Variants in BAIAP2L1 observed in about 807,000 individuals in gnomAD.
BAIAP2L1 encodes BAR/IMD domain containing adaptor protein 2 like 1.
A neutral mutation model predicts 66.3 loss-of-function variants in BAIAP2L1; 35 were observed. The ratio of observed to expected loss-of-function variants is 0.53; its 90% CI spans 0.40 to 0.70. BAIAP2L1 has a LOEUF of 0.70. BAIAP2L1 is among the 30% of genes least tolerant of loss of function. The probability of loss-of-function intolerance (pLI) is 0.00; values close to 1 mark genes in which losing one functional copy is unlikely to be tolerated. For synonymous variants in BAIAP2L1, 269 were observed against 248.7 expected, an observed-to-expected ratio of 1.08 and a Z score of -0.77; for missense variants, 622 against 656.9, an observed-to-expected ratio of 0.95 and a Z score of 0.58.
intron 1 of BAIAP2L1, among the ~76,000 whole-genome samples, chr7:98,380,546 A>G (rs960407540): frequency 2.0e-5 from 3 of 151,924 alleles, no homozygotes; most frequent in African/African-American, 4.8e-5. Context: ...GACTCAAATT[A>G]TCTCCCACCA....
chr7:98,356,994 C>CAAAAAAAA (rs1171832329), intron 2 of BAIAP2L1, among the ~76,000 whole-genome samples: 177 of 2,422 alleles, frequency 0.073, 72 homozygotes, highest in Admixed American at 0.12. Context: ...GCCCCTGTCT[C>CAAAAAAAA]AAAAAAAAAA....
intron 7 of BAIAP2L1, among the ~76,000 whole-genome samples, chr7:98,313,668 G>C (rs1800961405): frequency 6.6e-6 from 1 of 152,032 alleles, no homozygotes; most frequent in Non-Finnish European, 1.5e-5. Context: ...ACCCAGGCTG[G>C]AGTGCACTGG....
In BAIAP2L1 at chr7:98,384,129, G is replaced by C. The variant is rs1483933929; in HGVS notation, c.51+16673C>G. ...AGATCGCACCATTGCAATCCAGCCT[G>C]GGCAACAAGAGTGAAACTCCGTCTC... On this transcript the variant is annotated intron_variant, in intron 1 of 13. Transcript: ENST00000005260. 3.3e-5 allele frequency among the ~76,000 whole-genome samples: 5 copies of C among 149,792 alleles called. No individual in the cohort carries two copies. In the South Asian group the frequency reaches 1.0e-3, roughly 31 times the overall value.
intron 3 of BAIAP2L1, among the ~76,000 whole-genome samples, chr7:98,331,579 C>T (rs984171764): frequency 2.0e-5 from 3 of 150,374 alleles, no homozygotes; most frequent in African/African-American, 7.3e-5. Context: ...AGCGATTCTC[C>T]TGCCTCAGCC....
intron 3 of BAIAP2L1, among the ~76,000 whole-genome samples, chr7:98,349,494 C>T (rs1385265704): frequency 6.6e-6 from 1 of 152,154 alleles, no homozygotes; most frequent in Non-Finnish European, 1.5e-5. Context: ...GTGAAACCAC[C>T]ATTTCCAAGG....
chr7:98,391,221 G>A (rs1034579508), intron 1 of BAIAP2L1, among the ~76,000 whole-genome samples: 1 of 152,076 alleles, frequency 6.6e-6, no homozygotes, highest in Non-Finnish European at 1.5e-5. Flanking sequence ...CACTCTAGGA[G>A]GTGAAATACT....
At chr7:98,393,175 A>G (rs148982676) in intron 1 of BAIAP2L1, among the ~76,000 whole-genome samples, 20 of 138,098 alleles carry the variant, frequency 1.4e-4, no homozygotes, top group Non-Finnish European at 2.4e-4. Context: ...ATGTATATAT[A>G]TACATATATG....
intron 1 of BAIAP2L1, among the ~76,000 whole-genome samples, chr7:98,389,796 A>G (rs188705219): frequency 3.3e-5 from 5 of 152,218 alleles, no homozygotes; most frequent in Admixed American, 3.3e-4. Context: ...TGAACAAACT[A>G]TAGAAATGAC....
chr7:98,321,284 G>C (rs1423845514), intron 3 of BAIAP2L1, among the ~76,000 whole-genome samples: 1 of 152,204 alleles, frequency 6.6e-6, no homozygotes, highest in Admixed American at 6.5e-5. Context: ...AATAAAAAAT[G>C]ATTTATTTTT....
intron 2 of BAIAP2L1, among the ~76,000 whole-genome samples, chr7:98,357,132 T>C (rs1192985854): frequency 7.2e-6 from 1 of 138,638 alleles, no homozygotes; most frequent in East Asian, 2.2e-4. Context: ...AGGGATCCTC[T>C]TGCCTGAGTC....
At chr7:98,306,323 C>T (rs1257016032) in intron 11 of BAIAP2L1, 116 bp downstream of exon 11, 5 of 1,238,236 alleles carry the variant, frequency 4.0e-6, no homozygotes, top group Middle Eastern at 3.8e-4. Context: ...TCTGACTAGT[C>T]CACGAGAGCT....
At chr7:98,386,280 C>A in intron 1 of BAIAP2L1, 5 of 1,595,956 alleles carry the variant, frequency 3.1e-6, no homozygotes, top group Non-Finnish European at 4.3e-6. Flanking sequence ...GGGTAAGATC[C>A]ATGCCATGGA....
At chr7:98,345,680 G>A (rs1001274147) in intron 3 of BAIAP2L1, among the ~76,000 whole-genome samples, 4 of 151,878 alleles carry the variant, frequency 2.6e-5, no homozygotes, top group East Asian at 1.9e-4. Flanking sequence ...AGCCGAGATC[G>A]CACCACTGCA....
At chr7:98,323,469 C>T (rs1029226377) in intron 3 of BAIAP2L1, 3 of 152,300 alleles carry the variant, frequency 2.0e-5, no homozygotes, top group Non-Finnish European at 4.4e-5. Context: ...CTAGAGGAAA[C>T]GCATTCACAT....
chr7:98,373,020 G>A (rs1210852722), intron 1 of BAIAP2L1, among the ~76,000 whole-genome samples: 2 of 152,162 alleles, frequency 1.3e-5, no homozygotes, highest in Non-Finnish European at 2.9e-5. Context: ...GACTACAGGT[G>A]CGAGCCAGCA....
chr7:98,371,357 G>A (rs1802506778), intron 1 of BAIAP2L1, among the ~76,000 whole-genome samples: 1 of 152,134 alleles, frequency 6.6e-6, no homozygotes, highest in African/African-American at 2.4e-5. Flanking sequence ...CTAGGCTAAT[G>A]GTAATATCAC....
In BAIAP2L1 at chr7:98,381,827, T is replaced by C. The variant is rs533863174; in HGVS notation, c.51+18975A>G. 1.6e-4 allele frequency among the ~76,000 whole-genome samples: 25 copies of C among 152,142 alleles called. No individual in the cohort carries two copies. The South Asian group carries it at 5.2e-3, about 32-fold the overall frequency. On this transcript the variant is annotated intron_variant, in intron 1 of 13. Coordinates refer to ENST00000005260, the MANE Select transcript of BAIAP2L1 (RefSeq NM_018842.5). ...AATACACTGAGGTAAGAAAGAAGGA[T>C]GTCCTACAACTGTTCACATCTTCTG...
At chr7:98,294,543 A>T (rs1162602863) in intron 12 of BAIAP2L1, among the ~76,000 whole-genome samples, 1 of 152,210 alleles carries the variant, frequency 6.6e-6, no homozygotes, top group Non-Finnish European at 1.5e-5. Context: ...CTAAACTCGG[A>T]AACAGTTTCA....
At chr7:98,302,888 T>A (rs757670) in intron 12 of BAIAP2L1, among the ~76,000 whole-genome samples, 1 of 152,088 alleles carries the variant, frequency 6.6e-6, no homozygotes, top group Admixed American at 6.5e-5. Context: ...GGGTTCAGGC[T>A]ATCCTCCCAC....
Sources: gnomAD v4.1 joint callset for allele counts (sites outside exome capture counted in the v4.1 genomes callset) on GRCh38, gnomAD v4.1.1 for gene constraint, MANE v1.5 for transcripts, NCBI Gene and HGNC (gene_info 2026-07-23, HGNC 2026-07-21) for gene names.